Variants in ROBO2 observed in about 807,000 individuals in gnomAD.
The protein encoded by ROBO2 is roundabout guidance receptor 2.
A neutral mutation model predicts 160.8 loss-of-function variants in ROBO2; 53 were observed. The observed-to-expected ratio is 0.33, with a 90% CI of 0.26 to 0.41. The LOEUF is 0.41. Among genes scored for constraint, ROBO2 ranks in the 10% least tolerant of loss-of-function variants. ROBO2 has a pLI of 1.00. For missense variants in ROBO2, 1,577 were observed against 1,722.4 expected, an observed-to-expected ratio of 0.92 and a Z score of 1.49; for synonymous variants, 664 against 611.7, an observed-to-expected ratio of 1.09 and a Z score of -1.26.
At chr3:76,098,428 TTGGA>T (rs1012344756) in intron 2 of ROBO2, among the ~76,000 whole-genome samples, 172 of 152,250 alleles carry the variant, frequency 1.1e-3, no homozygotes, top group African/African-American at 2.6e-3. Flanking sequence ...ATTTTTGTGT[TTGGA>T]TGAGTTTTAA....
rs149428084 is a variant in ROBO2, at chr3:76,188,382, A to T, written c.109+250780A>T. On this transcript the variant is annotated intron_variant, in intron 2 of 26. Coordinates refer to the ROBO2 transcript ENST00000487694. ...GATGATGTAAAGACTTACACAAAGGAGACGGGCATGTCATGATGGAGGCAG... is the reference window on the plus strand; with the variant it reads ...GATGATGTAAAGACTTACACAAAGGTGACGGGCATGTCATGATGGAGGCAG... Among the ~76,000 whole-genome samples the T allele has an allele frequency of 2.0e-5, 3 of 152,248 alleles. No homozygotes were observed. In the East Asian group the frequency reaches 5.8e-4, roughly 29 times the overall value.
chr3:76,868,720 A>G (rs2071649054), intron 2 of ROBO2, among the ~76,000 whole-genome samples: 1 of 152,166 alleles, frequency 6.6e-6, no homozygotes, highest in Admixed American at 6.5e-5. Flanking sequence ...TTTAAATGTC[A>G]TATTGTGCTT....
intron 1 of ROBO2, among the ~76,000 whole-genome samples, chr3:77,069,293 A>G (rs1209046331): frequency 6.6e-6 from 1 of 152,200 alleles, no homozygotes; most frequent in Non-Finnish European, 1.5e-5. Context: ...TGTTTAAGAC[A>G]AATAAAAATA....
chr3:77,621,971 C>A (rs577550505), intron 22 of ROBO2, among the ~76,000 whole-genome samples: 1 of 152,224 alleles, frequency 6.6e-6, no homozygotes, highest in East Asian at 1.9e-4. Flanking sequence ...CACAAAAATA[C>A]TGGGCCCGTA....
chr3:76,504,749 T>C (rs183457102), intron 2 of ROBO2, among the ~76,000 whole-genome samples: 2 of 152,116 alleles, frequency 1.3e-5, no homozygotes, highest in African/African-American at 2.4e-5. Flanking sequence ...AGGATGGTCT[T>C]GATCTCCTGA....
chr3:76,154,844 C>A (rs975355245), intron 2 of ROBO2, among the ~76,000 whole-genome samples: 2 of 152,084 alleles, frequency 1.3e-5, no homozygotes, highest in African/African-American at 4.8e-5. Flanking sequence ...ATGACACCAA[C>A]ATACTGATTT....
intron 2 of ROBO2, among the ~76,000 whole-genome samples, chr3:76,191,938 A>G (rs1702024815): frequency 6.6e-6 from 1 of 152,008 alleles, no homozygotes; most frequent in South Asian, 2.1e-4. Flanking sequence ...TGCCCCATGT[A>G]TACAGGGTGA....
At chr3:76,199,006 A>G (rs1158257322) in intron 2 of ROBO2, among the ~76,000 whole-genome samples, 2 of 152,146 alleles carry the variant, frequency 1.3e-5, no homozygotes, top group African/African-American at 2.4e-5. Context: ...TATGAGTCCT[A>G]TTCTCACATT....
chr3:77,452,769 G>GT (rs111242814), intron 2 of ROBO2, among the ~76,000 whole-genome samples: 10,444 of 151,890 alleles, frequency 0.069, 1,066 homozygotes, highest in African/African-American at 0.22. Context: ...ACCAAAACAT[G>GT]TTTTTTTTAA....
chr3:76,911,708 C>A (rs997957335), intron 2 of ROBO2, among the ~76,000 whole-genome samples: 1 of 152,066 alleles, frequency 6.6e-6, no homozygotes, highest in Non-Finnish European at 1.5e-5. Context: ...AAATAAATTT[C>A]TTAAATACAA....
chr3:76,328,642 C>A (rs1017756093), intron 2 of ROBO2, among the ~76,000 whole-genome samples: 2 of 151,744 alleles, frequency 1.3e-5, no homozygotes, highest in East Asian at 3.9e-4. Flanking sequence ...GGGTGAGTCA[C>A]GAGGTCAGGG....
intron 2 of ROBO2, among the ~76,000 whole-genome samples, chr3:76,459,206 TTATAAAG>T (rs1363160362): frequency 6.6e-6 from 1 of 152,110 alleles, no homozygotes; most frequent in Non-Finnish European, 1.5e-5. Flanking sequence ...GAGACTAGAG[TTATAAAG>T]AAATATACCT....
At chr3:75,927,747 C>T (rs1402011496) in intron 1 of ROBO2, among the ~76,000 whole-genome samples, 1 of 152,160 alleles carries the variant, frequency 6.6e-6, no homozygotes, top group African/African-American at 2.4e-5. Context: ...TTACTTAGAC[C>T]TCTAATGAGA....
rs144199975 is a variant in ROBO2, at chr3:76,233,778, T to C, written c.109+296176T>C. ...AAAAGGTTTAGATTCAAACAATTCA[T>C]AAACGTACACTCTTTTAGTTTACTT... On this transcript the variant is annotated intron_variant, in intron 2 of 26. Coordinates refer to the ROBO2 transcript ENST00000487694. Among the ~76,000 whole-genome samples, 468 of 152,332 alleles carry C rather than the reference T, an allele frequency of 3.1e-3. 5 individuals are homozygous for C. The highest frequency in any genetic ancestry group is 0.011 in the African/African-American group (455 of 41,568).
At chr3:77,484,542 CAT>C (rs1378746553) in intron 4 of ROBO2, among the ~76,000 whole-genome samples, 8 of 138,900 alleles carry the variant, frequency 5.8e-5, no homozygotes, top group Non-Finnish European at 9.6e-5. Flanking sequence ...CACACACACA[CAT>C]ATATTTCTCA....
intron 2 of ROBO2, among the ~76,000 whole-genome samples, chr3:76,271,633 C>G (rs535719227): frequency 1.1e-3 from 160 of 151,518 alleles, no homozygotes; most frequent in African/African-American, 3.3e-3. Flanking sequence ...TGTAATATGT[C>G]CAGTAAGAAT....
intron 2 of ROBO2, among the ~76,000 whole-genome samples, chr3:76,587,639 G>A (rs777086746): frequency 3.2e-4 from 48 of 152,154 alleles, no homozygotes; most frequent in Admixed American, 1.2e-3. Flanking sequence ...CCCACAACAC[G>A]TGGGGATTAT....
chr3:76,358,214 G>T (rs1354679380), intron 2 of ROBO2, among the ~76,000 whole-genome samples: 2 of 151,914 alleles, frequency 1.3e-5, no homozygotes, highest in Non-Finnish European at 2.9e-5. Flanking sequence ...CTTACTTGGG[G>T]TTTTGCATAT....
intron 2 of ROBO2, among the ~76,000 whole-genome samples, chr3:76,085,082 A>G (rs1339087490): frequency 6.6e-6 from 1 of 150,516 alleles, no homozygotes; most frequent in Non-Finnish European, 1.5e-5. Context: ...GAGTTTGTGT[A>G]ACACAAACCC....
Sources: gnomAD v4.1 joint callset for allele counts (sites outside exome capture counted in the v4.1 genomes callset) on GRCh38, gnomAD v4.1.1 for gene constraint, MANE v1.5 for transcripts, NCBI Gene and HGNC (gene_info 2026-07-23, HGNC 2026-07-21) for gene names.